RARB: variants seen among roughly 807,000 people sequenced by gnomAD.
RARB encodes HBV-activated protein.
In RARB, 17 loss-of-function variants were observed where a neutral mutation model predicts 51.9. The ratio of observed to expected loss-of-function variants is 0.33; its 90% CI spans 0.22 to 0.49. The LOEUF (loss-of-function observed/expected upper bound fraction) is 0.49, where lower values mean the gene tolerates loss of function less well. RARB is among the 20% of genes least tolerant of loss of function. RARB has a pLI of 0.99. For missense variants in RARB, 369 were observed against 550.8 expected (o/e 0.67, Z 3.30); for synonymous variants, 215 against 195.4 (o/e 1.10, Z -0.84).
chr3:25,503,956 CAT>C (rs1251645372), intron 3 of RARB, among the ~76,000 whole-genome samples: 1 of 152,220 alleles, frequency 6.6e-6, no homozygotes, highest in African/African-American at 2.4e-5. Context: ...TGGCTGAAGA[CAT>C]AACCAAGACT....
chr3:24,925,908 G>A (rs1001067207), intron 2 of RARB, among the ~76,000 whole-genome samples: 9 of 151,872 alleles, frequency 5.9e-5, no homozygotes, highest in South Asian at 2.1e-4. Context: ...ATTTACCAAC[G>A]TGTAAGTTAT....
rs77776184 is a variant in RARB at position 25,569,018 on chromosome 3, C to T, written c.449-740C>T. 2.5e-3 allele frequency among the ~76,000 whole-genome samples: 384 copies of T among 152,330 alleles called. 3 individuals carry two copies. Among genetic ancestry groups the T allele is most frequent in the African/African-American group, 8.8e-3 (364 of 41,568 alleles). ...TTTGTGCCTGGCACCGTGCTTGGCT[C>T]GGAGCATGCAGAGGGAAAGGACACA... On this transcript the variant is annotated intron_variant, in intron 3 of 7. Transcript: ENST00000330688.
At chr3:24,980,084 T>A (rs1040366029) in intron 2 of RARB, among the ~76,000 whole-genome samples, 8 of 152,176 alleles carry the variant, frequency 5.3e-5, no homozygotes, top group Admixed American at 5.2e-4. Flanking sequence ...TTTAAGAATG[T>A]CGAATATTGG....
chr3:25,217,565 C>A (rs555704564), intron 5 of RARB, among the ~76,000 whole-genome samples: 3 of 151,930 alleles, frequency 2.0e-5, no homozygotes, highest in African/African-American at 7.2e-5. Flanking sequence ...AGAGAGAGTT[C>A]GGGATTTGGA....
At chr3:24,911,801 T>G (rs144094328) in intron 2 of RARB, among the ~76,000 whole-genome samples, 167 of 152,246 alleles carry the variant, frequency 1.1e-3, no homozygotes, top group African/African-American at 3.5e-3. Context: ...AAAAGTACCA[T>G]ATTGTGGATT....
At chr3:25,096,809 C>T (rs1346246285) in intron 3 of RARB, among the ~76,000 whole-genome samples, 2 of 152,114 alleles carry the variant, frequency 1.3e-5, no homozygotes, top group Non-Finnish European at 2.9e-5. Context: ...TATTCACAGA[C>T]ATGACATTGT....
intron 5 of RARB, among the ~76,000 whole-genome samples, chr3:25,582,500 T>C (rs1404138553): frequency 6.6e-6 from 1 of 151,966 alleles, no homozygotes; most frequent in Non-Finnish European, 1.5e-5. Context: ...TTCTTTTGTC[T>C]AGTTGCCAGA....
intron 2 of RARB, among the ~76,000 whole-genome samples, chr3:24,906,284 G>T (rs1351465164): frequency 6.6e-6 from 1 of 152,144 alleles, no homozygotes; most frequent in East Asian, 1.9e-4. Context: ...TGGAATGATG[G>T]CTGGGTTTAG....
rs1226976912 is a variant in RARB at position 25,594,650 on chromosome 3, C to T, written c.1122C>T (p.Ile374=). Residue 374 remains isoleucine, a synonymous_variant, in exon 7 of 8, where the codon ATC becomes ATT. Coordinates refer to ENST00000330688, the MANE Select transcript of RARB (RefSeq NM_000965.5). ...PHMFPKILMK[I]TDLRSISAKG... Reference sequence around the variant, plus strand: ...TGTTTCCAAAGATCTTAATGAAAATCACAGATCTCCGTAGCATCAGTGCTA... The same window carrying T: ...TGTTTCCAAAGATCTTAATGAAAATTACAGATCTCCGTAGCATCAGTGCTA... 1.1e-5 allele frequency: 18 copies of T among 1,613,014 alleles called. No homozygotes were observed. Among genetic ancestry groups the T allele is most frequent in the Non-Finnish European group, 1.5e-5 (18 of 1,179,662 alleles).
At chr3:25,500,962 G>T (rs1199821473) in intron 2 of RARB, among the ~76,000 whole-genome samples, 1 of 152,082 alleles carries the variant, frequency 6.6e-6, no homozygotes, top group East Asian at 1.9e-4. Context: ...AGATAATAAT[G>T]GTCATGTCTA....
At chr3:25,382,295 CTGTGTTTAGAAT>C (rs1196544240) in intron 5 of RARB, among the ~76,000 whole-genome samples, 1 of 152,132 alleles carries the variant, frequency 6.6e-6, no homozygotes, top group Non-Finnish European at 1.5e-5. Context: ...GTTCAATGAC[CTGTGTTTAGAAT>C]TTTCAAATTG....
intron 2 of RARB, chr3:25,025,156 C>T (rs1396934333): frequency 6.6e-5 from 10 of 152,084 alleles, no homozygotes; most frequent in Admixed American, 6.6e-4. Flanking sequence ...TGAATAAAGA[C>T]TTGATATTCC....
intron 2 of RARB, among the ~76,000 whole-genome samples, chr3:24,876,134 G>C (rs1451873711): frequency 6.6e-6 from 1 of 152,118 alleles, no homozygotes; most frequent in African/African-American, 2.4e-5. Flanking sequence ...TCTTATTACT[G>C]ATAACTTTCA....
chr3:25,477,481 C>G (rs1041887895), intron 2 of RARB, among the ~76,000 whole-genome samples: 2 of 152,176 alleles, frequency 1.3e-5, no homozygotes, highest in African/African-American at 4.8e-5. Context: ...TGGTCTTTCC[C>G]TGTTTGTCAT....
chr3:25,587,406 A>C (rs1235634152), intron 5 of RARB, among the ~76,000 whole-genome samples: 1 of 152,208 alleles, frequency 6.6e-6, no homozygotes, highest in African/African-American at 2.4e-5. Flanking sequence ...TTAGTATTTA[A>C]ACATGTATAA....
chr3:25,110,077 C>T (rs1245235874), intron 3 of RARB, among the ~76,000 whole-genome samples: 1 of 152,142 alleles, frequency 6.6e-6, no homozygotes, highest in Non-Finnish European at 1.5e-5. Context: ...GTCTGTTAAA[C>T]TCTCCAGTGT....
intron 2 of RARB, among the ~76,000 whole-genome samples, chr3:25,001,995 A>C (rs746859727): frequency 2.6e-5 from 4 of 152,024 alleles, no homozygotes; most frequent in Non-Finnish European, 4.4e-5. Context: ...GGTCTCAAAC[A>C]CCTGGGCCCA....
At chr3:25,354,969 A>C (rs951916849) in intron 5 of RARB, among the ~76,000 whole-genome samples, 1 of 151,790 alleles carries the variant, frequency 6.6e-6, no homozygotes, top group Non-Finnish European at 1.5e-5. Context: ...CATTCAGGCT[A>C]TCTGGGTTTG....
At chr3:25,250,112 C>G (rs902410213) in intron 5 of RARB, among the ~76,000 whole-genome samples, 3 of 152,094 alleles carry the variant, frequency 2.0e-5, no homozygotes, top group Non-Finnish European at 4.4e-5. Context: ...ACAGGATGAA[C>G]AGATCAGTAC....
Sources: gnomAD v4.1 joint callset for allele counts (sites outside exome capture counted in the v4.1 genomes callset) on GRCh38, gnomAD v4.1.1 for gene constraint, MANE v1.5 for transcripts, NCBI Gene and HGNC (gene_info 2026-07-23, HGNC 2026-07-21) for gene names.